ANO9: variants seen among roughly 807,000 people sequenced by gnomAD.
The protein encoded by ANO9 is anoctamin-9.
ANO9 carries 80 observed loss-of-function variants against 100.5 expected under a neutral mutation model. The observed-to-expected ratio is 0.80, with a 90% CI of 0.66 to 0.96. ANO9 has a LOEUF of 0.96. Ranked by LOEUF, ANO9 falls within the 40% of genes least tolerant of loss-of-function variation. The pLI, the probability that ANO9 is intolerant of heterozygous loss-of-function variation, is 0.00. For missense variants in ANO9, 1,064 were observed against 1,072.7 expected, an observed-to-expected ratio of 0.99 and a Z score of 0.11; for synonymous variants, 473 against 435.6, an observed-to-expected ratio of 1.09 and a Z score of -1.07.
At position 422,977 on chromosome 11, in the gene ANO9, G is replaced by A. The variant is rs927937557; in HGVS notation, c.1335-1779C>T. ...CCTGAGTAGCTGGGATTACAGGTGC[G>A]CGCCACCACGCCTGGCTAATTTTTG... On this transcript the variant is annotated intron_variant, in intron 15 of 22. Coordinates refer to ENST00000332826, the MANE Select transcript of ANO9 (RefSeq NM_001012302.3). This position sits in a 1 kb window ranked among gnomAD's most constrained non-coding sequence, Gnocchi z 4.3. Among the ~76,000 whole-genome samples the A allele has an allele frequency of 2.0e-5, 3 of 151,818 alleles. No individual in the cohort carries two copies. The highest frequency in any genetic ancestry group is 1.9e-4 in the East Asian group (1 of 5,170).
intron 1 of ANO9, among the ~76,000 whole-genome samples, 159 bp downstream of exon 1, chr11:441,762 G>A (rs188311347): frequency 2.0e-5 from 3 of 152,190 alleles, no homozygotes; most frequent in East Asian, 1.9e-4. Context: ...TAGCTGAGCC[G>A]GGCGGTCACC....
chr11:423,926 T>C (rs1416286445), intron 15 of ANO9, among the ~76,000 whole-genome samples: 8 of 83,290 alleles, frequency 9.6e-5, no homozygotes, highest in African/African-American at 3.8e-4. Context: ...CACACACATT[T>C]GAGATGGAGC....
intron 3 of ANO9, 46 bp from the exon 4 acceptor site, chr11:433,505 C>A (rs544423094): frequency 1.3e-6 from 2 of 1,579,890 alleles, no homozygotes; most frequent in Non-Finnish European, 8.6e-7. Context: ...ACCCTCCCCG[C>A]TCTATCCCGC....
Position 433,877 on chromosome 11 carries a change from G to A in ANO9, c.142C>T (p.Pro48Ser), listed in dbSNP as rs1236414520. ...LVAQRHTQRD[P>S]RQARQQQFLE... The stretch of plus-strand genomic sequence containing the variant: ...AACTGTTGCTGCCGCGCCTGCCGGG[G>A]GTCTCTCTGGGTGTGACGTTGGGCC... The change falls in exon 3 of 23, where the codon CCC becomes TCC. Residue 48 changes from proline to serine, a missense_variant. By Grantham distance (74) the Pro-to-Ser change is moderately conservative (BLOSUM62 -1). Transcript: ENST00000332826. The A allele has an allele frequency of 2.6e-6, 4 of 1,563,306 alleles. No individual in the cohort carries two copies. In the South Asian group the frequency reaches 3.5e-5, roughly 14 times the overall value.
At position 430,430 on chromosome 11, in the gene ANO9, C is replaced by T. The variant is rs1032471751; in HGVS notation, c.540-27G>A. 9.2e-6 allele frequency: 12 copies of T among 1,306,456 alleles called. No homozygotes were observed. In the African/African-American group the frequency reaches 2.0e-4, roughly 21 times the overall value. The allele number at this position is 1,306,456 out of a possible 1,614,324, so 80.9% of individuals were successfully genotyped here. ...TGCAGGCAGCAGGGGTCAAGGCCAG[C>T]TGTCAGGGGGCGGTGGGGGAGGGAC... On this transcript the variant is annotated intron_variant, in intron 7 of 22. Transcript: ENST00000332826.
rs1402496528 is a variant in ANO9, at chr11:430,082, C to A, written c.771+1G>T. 1 of 1,550,290 alleles carries A rather than the reference C, an allele frequency of 6.5e-7. No individual in the cohort carries two copies. On this transcript the variant is annotated splice_donor_variant, in intron 9 of 22. Coordinates refer to ENST00000332826, the MANE Select transcript of ANO9 (RefSeq NM_001012302.3). LOFTEE classifies it high-confidence loss of function. ...CTGGGGTGGACCCGGAGGCGACAAA[C>A]CTTGGCAAAAGTGCAGGTTTCCGAG...
In ANO9 at chr11:428,579, G is replaced by A. The variant is rs1848667907; in HGVS notation, c.1081C>T (p.Leu361Phe). 1 of 1,612,528 alleles carries A rather than the reference G, an allele frequency of 6.2e-7. No individual in the cohort carries two copies. The highest frequency in any genetic ancestry group is 1.3e-5 in the African/African-American group (1 of 74,946). The change falls in exon 13 of 23, where the codon CTC (leucine) becomes TTC (phenylalanine). Residue 361 changes from leucine to phenylalanine, a missense_variant. Physicochemically the swap from Leu to Phe is conservative, Grantham distance 22 (BLOSUM62 0). Transcript: ENST00000332826. Reference protein sequence around the residue: ...LVVYRVLASALFSSSAVPFLE... With the variant: ...LVVYRVLASAFFSSSAVPFLE... ...AAGGGCACGGCCGAGCTGCTGAAGA[G>A]CGCGGAGGCCAGGACGCGGTAGACC...
At chr11:425,105 CGGGA>C (rs1250847495) in intron 15 of ANO9, among the ~76,000 whole-genome samples, 45,770 of 48,160 alleles carry the variant, frequency 0.95, 22,355 homozygotes, top group East Asian at 1. Flanking sequence ...CGTGGAGAGA[CGGGA>C]CGCGCGGGAG....
At position 432,949 on chromosome 11, in the gene ANO9, C is replaced by T; in HGVS notation, c.350+365G>A. 4.5e-6 allele frequency: 1 copy of T among 222,884 alleles called. No individual in the cohort carries two copies. The highest frequency in any genetic ancestry group is 8.7e-6 in the Non-Finnish European group (1 of 114,996). 13.8% of individuals were successfully genotyped at this position (222,884 alleles called of 1,614,324 possible). A position where few individuals can be genotyped will look rare whatever the true frequency, so the allele number is the denominator to read the frequency against. ...GCCAGGGACGGTGTCCAGGAAGGGG[C>T]ATCGGAACTGGAGAGGAGGGGTCTT... is the stretch of plus-strand genomic sequence containing the variant. On this transcript the variant is annotated intron_variant, in intron 4 of 22. Coordinates refer to ENST00000332826, the MANE Select transcript of ANO9 (RefSeq NM_001012302.3). This position sits in a 1 kb window ranked among gnomAD's most constrained non-coding sequence, Gnocchi z 4.8.
At chr11:425,627 A>C (rs1365311453) in intron 15 of ANO9, among the ~76,000 whole-genome samples, 2 of 151,770 alleles carry the variant, frequency 1.3e-5, no homozygotes, top group Non-Finnish European at 2.9e-5. Flanking sequence ...TGCTCCGATA[A>C]TATGAACAGT....
intron 14 of ANO9, 59 bp from the exon 15 acceptor site, chr11:428,258 A>G: frequency 6.2e-7 from 1 of 1,607,106 alleles, no homozygotes; most frequent in East Asian, 2.2e-5. Flanking sequence ...CTGGGGCAGC[A>G]GGAAGGGTCC....
intron 19 of ANO9, 169 bp from the exon 20 acceptor site, chr11:419,898 G>T: frequency 7.0e-7 from 1 of 1,427,042 alleles, no homozygotes; most frequent in Non-Finnish European, 9.1e-7. Context: ...GGCAGAGCAT[G>T]GCCTCTGCGC....
chr11:421,259 T>C lies in ANO9; in HGVS notation c.1335-61A>G. ...AGCGCCCTGCCTCTGACAGGGTGGG[T>C]GCAGCAGGACAGAAGCGGGTAGGAA... On this transcript the variant is annotated intron_variant, in intron 15 of 22. Transcript: ENST00000332826. This position sits in a 1 kb window ranked among gnomAD's most constrained non-coding sequence, Gnocchi z 6.8. 2 of 1,446,360 alleles carry C rather than the reference T, an allele frequency of 1.4e-6. No individual in the cohort carries two copies. Among genetic ancestry groups the C allele is most frequent in the Non-Finnish European group, 1.8e-6 (2 of 1,092,418 alleles). The allele number at this position is 1,446,360 out of a possible 1,614,324, so 89.6% of individuals were successfully genotyped here.
intron 7 of ANO9, 35 bp downstream of exon 7, chr11:431,659 C>A: frequency 6.2e-7 from 1 of 1,608,984 alleles, no homozygotes; most frequent in South Asian, 1.1e-5. Context: ...CGGGGCCGTC[C>A]GCGGGGTTCC....
In ANO9 at chr11:432,570, A is replaced by T. The variant is rs1006414836; in HGVS notation, c.351-516T>A. 1.9e-5 allele frequency: 3 copies of T among 161,620 alleles called. No individual in the cohort carries two copies. The highest frequency in any genetic ancestry group is 7.2e-5 in the African/African-American group (3 of 41,572). The allele number at this position is 161,620 out of a possible 1,614,324, so 10.0% of individuals were successfully genotyped here. ...CCAGCCTCCCCCTGTGCCTACAGAC[A>T]TGGCTCCTGGACACCCCAGGGCACG... On this transcript the variant is annotated intron_variant, in intron 4 of 22. Transcript: ENST00000332826. The surrounding 1 kb of genome is among the most constrained non-coding windows in gnomAD (Gnocchi z 4.8).
At chr11:433,154 A>G in intron 4 of ANO9, 160 bp downstream of exon 4, 4 of 942,782 alleles carry the variant, frequency 4.2e-6, no homozygotes, top group Non-Finnish European at 6.0e-6. Context: ...TGAGGCTCAC[A>G]CAGCCAGTGG....
chr11:419,557 G>A lies in ANO9; in HGVS notation c.1934+25C>T, dbSNP rs186034538. 12,329 of 1,610,686 alleles carry A rather than the reference G, an allele frequency of 7.7e-3. 65 individuals are homozygous for A. Among genetic ancestry groups the A allele is most frequent in the Admixed American group, 0.011 (659 of 59,848 alleles). On this transcript the variant is annotated intron_variant, in intron 20 of 22. Transcript: ENST00000332826. ...GTGGTAGGGCCAGTTTCTCCCAGGGGTCTCCAGACACCCTGAGGCCTTACT... is the reference window on the plus strand; with the variant it reads ...GTGGTAGGGCCAGTTTCTCCCAGGGATCTCCAGACACCCTGAGGCCTTACT...
chr11:428,399 G>A lies in ANO9; in HGVS notation c.1186-5C>T, dbSNP rs763159709. 7.0e-5 allele frequency: 113 copies of A among 1,612,662 alleles called. No homozygotes were observed. The highest frequency in any genetic ancestry group is 1.7e-4 in the Middle Eastern group (1 of 6,058). Reference sequence around the variant, plus strand: ...CAGGGCCACGCACCTGTTGATCTGCGGAGGAGGGCACCGAATGGGCTCACT... The same window carrying A: ...CAGGGCCACGCACCTGTTGATCTGCAGAGGAGGGCACCGAATGGGCTCACT... On this transcript the variant is annotated splice_polypyrimidine_tract_variant and splice_region_variant and intron_variant, in intron 13 of 22. Transcript: ENST00000332826.
At chr11:436,275 C>T (rs1849532659) in intron 1 of ANO9, among the ~76,000 whole-genome samples, 1 of 152,046 alleles carries the variant, frequency 6.6e-6, no homozygotes, top group Admixed American at 6.6e-5. Context: ...CCATGTTGGG[C>T]AGGCTGGTCT....
Sources: gnomAD v4.1 joint callset for allele counts (sites outside exome capture counted in the v4.1 genomes callset) on GRCh38, gnomAD v4.1.1 for gene constraint, Gnocchi (gnomAD v3.1) non-coding constraint, MANE v1.5 for transcripts, NCBI Gene and HGNC (gene_info 2026-07-23, HGNC 2026-07-21) for gene names.